RECK: variants seen among roughly 807,000 people sequenced by gnomAD.
The protein encoded by RECK is reversion inducing cysteine rich protein with kazal motifs.
Under a neutral mutation model 115.1 loss-of-function variants are expected in RECK, and 69 were observed. The observed-to-expected ratio is 0.60, with a 90% CI of 0.49 to 0.73. The LOEUF (loss-of-function observed/expected upper bound fraction) is 0.73. RECK is among the 30% of genes least tolerant of loss of function. The pLI, the probability that RECK is intolerant of heterozygous loss-of-function variation, is 0.00. For missense variants in RECK, 1,047 were observed against 1,203.7 expected, an observed-to-expected ratio of 0.87 and a Z score of 1.93; for synonymous variants, 414 against 419.7, an observed-to-expected ratio of 0.99 and a Z score of 0.17.
chr9:36,091,015 C>T, intron 9 of RECK, 149 bp from the exon 10 acceptor site: 1 of 589,732 alleles, frequency 1.7e-6, no homozygotes. Context: ...TTTTCTGGCT[C>T]TAGTTTCTAG....
At chr9:36,121,285 A>G (rs1384155510) in intron 19 of RECK, among the ~76,000 whole-genome samples, 1 of 152,184 alleles carries the variant, frequency 6.6e-6, no homozygotes, top group Non-Finnish European at 1.5e-5. Flanking sequence ...CTACCTCAGA[A>G]CAGTCACTTT....
At chr9:36,090,004 A>AC (rs58188001) in intron 9 of RECK, among the ~76,000 whole-genome samples, 15 of 141,694 alleles carry the variant, frequency 1.1e-4, no homozygotes, top group African/African-American at 3.2e-4. Flanking sequence ...ACACACACAC[A>AC]AATTAGCCAG....
chr9:36,075,578 A>C (rs188188797), intron 6 of RECK, among the ~76,000 whole-genome samples: 4 of 152,242 alleles, frequency 2.6e-5, no homozygotes, highest in Non-Finnish European at 5.9e-5. Context: ...TCCACAAGGA[A>C]AAAACACCTT....
intron 12 of RECK, among the ~76,000 whole-genome samples, chr9:36,104,292 G>GTGTGTATATATATA (rs34438663): frequency 9.1e-5 from 4 of 43,884 alleles, no homozygotes; most frequent in Admixed American, 4.1e-4. Context: ...GTGTGTGTGT[G>GTGTGTATATATATA]TATATATATA....
At chr9:36,088,663 A>T (rs538153593) in intron 9 of RECK, among the ~76,000 whole-genome samples, 1 of 152,338 alleles carries the variant, frequency 6.6e-6, no homozygotes, top group African/African-American at 2.4e-5. Context: ...TTAGCAAAAA[A>T]TTTTGCCTAG....
chr9:36,095,824 A>C (rs1192539874), intron 10 of RECK, among the ~76,000 whole-genome samples: 1 of 151,608 alleles, frequency 6.6e-6, no homozygotes, highest in Non-Finnish European at 1.5e-5. Context: ...TAATCCTAGC[A>C]CTTTGGGAGG....
rs1824084671 is a variant in RECK, at chr9:36,112,323, C to T, written c.1907C>T (p.Ala636Val). The T allele has an allele frequency of 6.2e-7, 1 of 1,613,230 alleles. No individual in the cohort carries two copies. Residue 636 changes from alanine (A) to valine (V), a missense_variant, in exon 16 of 21, where the codon GCA becomes GTA. Ala to Val is a moderately conservative substitution (Grantham distance 64, BLOSUM62 0). Transcript: ENST00000377966. ...TCCTCAGGTCTGCCCTGTAACTGTG[C>T]AGATCAGTTTGTCCCTGTATGTGGG... ...RTFTGLPCNCADQFVPVCGQN... is the reference protein window; with the variant it reads ...RTFTGLPCNCVDQFVPVCGQN...
At chr9:36,066,162 T>C (rs1294311324) in intron 6 of RECK, among the ~76,000 whole-genome samples, 1 of 152,184 alleles carries the variant, frequency 6.6e-6, no homozygotes, top group Admixed American at 6.5e-5. Flanking sequence ...CTAACACTGG[T>C]ATCTAGATGG....
chr9:36,044,585 G>C (rs2132550662), intron 1 of RECK, among the ~76,000 whole-genome samples: 1 of 152,190 alleles, frequency 6.6e-6, no homozygotes, highest in Middle Eastern at 3.4e-3. Context: ...AATCAATCTG[G>C]GGATACCAAG....
chr9:36,122,914 C>T lies in RECK; in HGVS notation c.2785C>T (p.Leu929Phe). 1 of 1,614,208 alleles carries T rather than the reference C, an allele frequency of 6.2e-7. No individual in the cohort carries two copies. Among genetic ancestry groups the T allele is most frequent in the Non-Finnish European group, 8.5e-7 (1 of 1,180,038 alleles). The change falls in exon 21 of 21, where the codon CTC becomes TTC. Residue 929 changes from leucine (L) to phenylalanine (F), a missense_variant. Leu to Phe is a conservative substitution (Grantham distance 22). Transcript: ENST00000377966. ...GGCGTCCCATGTCCCTCTCTCTGCCCTCATCATTTCCCAGGTACAGGTCTC... is the reference window on the plus strand; with the variant it reads ...GGCGTCCCATGTCCCTCTCTCTGCCTTCATCATTTCCCAGGTACAGGTCTC... ...TLASHVPLSA[L>F]IISQVQVSSS...
chr9:36,082,253 G>A (rs1203341942), intron 7 of RECK, among the ~76,000 whole-genome samples: 1 of 150,240 alleles, frequency 6.7e-6, no homozygotes, highest in African/African-American at 2.4e-5. Context: ...GCGAGATCTT[G>A]GCTTACTGCA....
rs534388645 is a variant in RECK at position 36,105,148 on chromosome 9, A to G, written c.1441A>G (p.Ser481Gly). 4.3e-6 allele frequency: 7 copies of G among 1,613,886 alleles called. No homozygotes were observed. In the South Asian group the frequency reaches 5.5e-5, roughly 13 times the overall value. ...CIPLDTYLRP[S>G]TLGNIVEEVT... is the part of the protein sequence containing the mutation. ...ATCTGTTTTGGTTTTTTCAGGGCCA[A>G]GTACTTTAGGTAACATTGTAGAAGA... is the stretch of plus-strand genomic sequence containing the variant. The change falls in exon 13 of 21, where the codon AGT becomes GGT. Residue 481 changes from serine (S) to glycine (G), a missense_variant. Ser to Gly is a moderately conservative substitution (Grantham distance 56). Transcript: ENST00000377966.
chr9:36,121,432 C>G (rs528879474), intron 19 of RECK, 101 bp from the exon 20 acceptor site: 1 of 1,101,964 alleles, frequency 9.1e-7, no homozygotes, highest in African/African-American at 1.6e-5. Flanking sequence ...GAGGGCTGTG[C>G]GGTCAAAAGA....
Position 36,062,652 on chromosome 9 carries a change from A to G in RECK, c.272-1143A>G, listed in dbSNP as rs191378120. 9.2e-5 allele frequency among the ~76,000 whole-genome samples: 14 copies of G among 151,360 alleles called. No individual in the cohort carries two copies. The East Asian group carries it at 2.0e-3, about 22-fold the overall frequency. ...GCCACCATGCCCAGCTAATTTTTGA[A>G]TTTTTAGTAGAGATGGGGGTTCACC... On this transcript the variant is annotated intron_variant, in intron 4 of 20. Coordinates refer to ENST00000377966, the MANE Select transcript of RECK (RefSeq NM_021111.3).
intron 14 of RECK, 101 bp from the exon 15 acceptor site, chr9:36,109,854 AAG>A: frequency 8.3e-7 from 1 of 1,211,306 alleles, no homozygotes; most frequent in African/African-American, 1.5e-5. Flanking sequence ...AAAAAAAAAA[AAG>A]GAATTTCCAT....
intron 1 of RECK, among the ~76,000 whole-genome samples, chr9:36,041,791 A>ATT (rs1820876718): frequency 9.1e-6 from 1 of 110,004 alleles, no homozygotes. Context: ...TTTTTTTTGC[A>ATT]CATAGTTTCC....
At position 36,058,901 on chromosome 9, in the gene RECK, G is replaced by A; in HGVS notation, c.234G>A (p.Met78Ile). The A allele has an allele frequency of 6.5e-7, 1 of 1,547,244 alleles. No homozygotes were observed. Among genetic ancestry groups the A allele is most frequent in the South Asian group, 1.2e-5 (1 of 81,604 alleles). The change falls in exon 3 of 21, where the codon ATG (methionine) becomes ATA (isoleucine). Residue 78 changes from methionine (M) to isoleucine (I), a missense_variant and splice_region_variant. Met to Ile is a conservative substitution (Grantham distance 10). Transcript: ENST00000377966. ...QRAPDYCPET[M>I]VEIWNCMNSS... is the part of the protein sequence containing the mutation. ...CCCCAGATTATTGCCCAGAGACAAT[G>A]GTAAGTCTTATTGTAACTTAACTGT...
chr9:36,056,721 A>C (rs551076452), intron 2 of RECK, among the ~76,000 whole-genome samples: 1 of 152,256 alleles, frequency 6.6e-6, no homozygotes, highest in East Asian at 1.9e-4. Flanking sequence ...ACTTGATTTA[A>C]GTTTAAATAC....
intron 1 of RECK, among the ~76,000 whole-genome samples, chr9:36,045,790 C>T (rs1821052121): frequency 1.3e-5 from 2 of 152,012 alleles, no homozygotes; most frequent in Admixed American, 6.6e-5. Context: ...CGTTTTTCTG[C>T]ATGTGGCTGG....
Sources: gnomAD v4.1 joint callset for allele counts (sites outside exome capture counted in the v4.1 genomes callset) on GRCh38, gnomAD v4.1.1 for gene constraint, MANE v1.5 for transcripts, NCBI Gene and HGNC (gene_info 2026-07-23, HGNC 2026-07-21) for gene names.